KCTD20: variants seen among roughly 807,000 people sequenced by gnomAD.
KCTD20 encodes potassium channel tetramerization domain containing 20.
In KCTD20, 30 loss-of-function variants were observed where a neutral mutation model predicts 39.6. The ratio of observed to expected loss-of-function variants is 0.76; its 90% CI spans 0.57 to 1.03. The LOEUF is 1.03. Among genes scored for constraint, KCTD20 ranks in the 50% least tolerant of loss-of-function variants. The pLI is 0.00. For missense variants in KCTD20, 422 were observed against 522.0 expected (o/e 0.81, Z 1.87); for synonymous variants, 162 against 180.6 (o/e 0.90, Z 0.83).
At position 36,481,735 on chromosome 6, in the gene KCTD20, C is replaced by T. The variant is rs1445166914; in HGVS notation, c.832C>T (p.Pro278Ser). 6.2e-7 allele frequency: 1 copy of T among 1,614,030 alleles called. No homozygotes were observed. Among genetic ancestry groups the T allele is most frequent in the Admixed American group, 1.7e-5 (1 of 59,996 alleles). Residue 278 changes from proline (P) to serine (S), a missense_variant, in exon 6 of 8, where the codon CCA becomes TCA. Transcript: ENST00000373731. Reference sequence around the variant, plus strand: ...GGACTGGGATGAAGACCACCCTCCACCAATGGGGGAGGAATATTCCCAAAG... The same window carrying T: ...GGACTGGGATGAAGACCACCCTCCATCAATGGGGGAGGAATATTCCCAAAG... ...SVDWDEDHPP[P>S]MGEEYSQILY... is the part of the protein sequence containing the mutation.
rs895751709 is a variant in KCTD20, at chr6:36,459,210, G to A, written c.-46-10842G>A. Among the ~76,000 whole-genome samples the A allele has an allele frequency of 7.2e-5, 11 of 152,276 alleles. No individual in the cohort carries two copies. In the South Asian group the frequency reaches 2.1e-3, roughly 29 times the overall value. The stretch of plus-strand genomic sequence containing the variant: ...GCCCATAATCCCAGCTACTCGGGAG[G>A]CTGAGGCAGGAGAATCGCTTGAACT... On this transcript the variant is annotated intron_variant, in intron 1 of 7. Coordinates refer to ENST00000373731, the MANE Select transcript of KCTD20 (RefSeq NM_173562.5).
At chr6:36,465,482 A>G (rs1775722466) in intron 1 of KCTD20, 1 of 151,636 alleles carries the variant, frequency 6.6e-6, no homozygotes, top group African/African-American at 2.4e-5. Context: ...TTCTTCAGAA[A>G]TAATTGATTA....
chr6:36,446,025 T>TTTTTTG (rs1554158240), intron 1 of KCTD20, among the ~76,000 whole-genome samples: 376 of 1,350 alleles, frequency 0.28, 5 homozygotes, highest in Admixed American at 0.39. Context: ...ATGAACTCAG[T>TTTTTTG]TTTTTTTTTT....
At chr6:36,479,067 A>G (rs1040960482) in intron 3 of KCTD20, 54 bp from the exon 4 acceptor site, 1 of 1,165,764 alleles carries the variant, frequency 8.6e-7, no homozygotes, top group Non-Finnish European at 1.3e-6. Context: ...GAGAAATCTC[A>G]TCTGTGAAGA....
chr6:36,467,995 C>A (rs1332394761), intron 1 of KCTD20, among the ~76,000 whole-genome samples: 2 of 152,086 alleles, frequency 1.3e-5, no homozygotes, highest in Non-Finnish European at 2.9e-5. Flanking sequence ...TTAATAAAGT[C>A]TGAAAGGATT....
intron 2 of KCTD20, among the ~76,000 whole-genome samples, chr6:36,473,208 C>T (rs1337570706): frequency 1.3e-5 from 2 of 151,938 alleles, no homozygotes; most frequent in Non-Finnish European, 2.9e-5. Flanking sequence ...CTACAGGCAC[C>T]CGCCACCACA....
chr6:36,459,776 G>T (rs1775546750), intron 1 of KCTD20, among the ~76,000 whole-genome samples: 1 of 152,130 alleles, frequency 6.6e-6, no homozygotes, highest in Non-Finnish European at 1.5e-5. Flanking sequence ...TTTGTGGATT[G>T]TTTATAACAT....
chr6:36,446,822 T>C (rs190521320), intron 1 of KCTD20, among the ~76,000 whole-genome samples: 111 of 152,304 alleles, frequency 7.3e-4, no homozygotes, highest in Middle Eastern at 3.4e-3. Context: ...TTAAACACTG[T>C]AGGATTGATT....
intron 1 of KCTD20, among the ~76,000 whole-genome samples, chr6:36,448,632 T>C (rs949997174): frequency 6.6e-6 from 1 of 152,230 alleles, no homozygotes; most frequent in Non-Finnish European, 1.5e-5. Flanking sequence ...GCCAAGATGG[T>C]GTCAGGAGGG....
intron 1 of KCTD20, among the ~76,000 whole-genome samples, chr6:36,450,681 A>G (rs1302403730): frequency 2.0e-5 from 3 of 152,146 alleles, no homozygotes; most frequent in Non-Finnish European, 2.9e-5. Context: ...GTGTTATGTT[A>G]TATTTAAGAT....
At position 36,479,779 on chromosome 6, in the gene KCTD20, ATTTTTTTTTTTTT is replaced by A. The variant is rs58609674; in HGVS notation, c.658+86_658+98del. On this transcript the variant is annotated intron_variant, in intron 5 of 7. Transcript: ENST00000373731. The stretch of plus-strand genomic sequence containing the variant: ...CTTTCAGTTTTCTTGGAAGTCACCG[ATTTTTTTTTTTTT>A]TTTTTTTTTTTTTTTTTGAGACAGA... The A allele has an allele frequency of 3.6e-3, 966 of 268,470 alleles. 4 individuals carry two copies. The African/African-American group carries it at 0.041, about 11-fold the overall frequency. The allele number at this position is 268,470 out of a possible 1,614,324, so 16.6% of individuals were successfully genotyped here.
chr6:36,455,778 T>G (rs1220182524), intron 1 of KCTD20, among the ~76,000 whole-genome samples: 1 of 152,198 alleles, frequency 6.6e-6, no homozygotes. Flanking sequence ...GCAGGCAGAA[T>G]TTCTTCTTCC....
chr6:36,479,794 T>C (rs1776187327), intron 5 of KCTD20, 83 bp downstream of exon 5: 1 of 1,080,618 alleles, frequency 9.3e-7, no homozygotes, highest in African/African-American at 1.9e-5. Flanking sequence ...TTTTTTTTTT[T>C]TTTTTTTTTT....
At chr6:36,471,536 C>T (rs1253976309) in intron 2 of KCTD20, among the ~76,000 whole-genome samples, 1 of 152,164 alleles carries the variant, frequency 6.6e-6, no homozygotes, top group Non-Finnish European at 1.5e-5. Flanking sequence ...CAACTATTAT[C>T]CTTGTTTTAC....
chr6:36,477,194 T>C (rs1664120325), intron 3 of KCTD20, among the ~76,000 whole-genome samples: 1 of 152,250 alleles, frequency 6.6e-6, no homozygotes. Flanking sequence ...CTTACAGATG[T>C]GGGCCACTAG....
chr6:36,480,713 C>T (rs539964630), intron 5 of KCTD20, among the ~76,000 whole-genome samples: 4 of 152,086 alleles, frequency 2.6e-5, no homozygotes, highest in African/African-American at 7.2e-5. Context: ...CCACCATGCC[C>T]GGCTAATTTT....
rs796501485 is a variant in KCTD20 at position 36,473,408 on chromosome 6, C to T, written c.161-1381C>T. Among the ~76,000 whole-genome samples the T allele has an allele frequency of 5.9e-5, 9 of 152,088 alleles. No homozygotes were observed. The South Asian group carries it at 1.7e-3, about 28-fold the overall frequency. ...CCTTAATTTCAGTTTATAAGTGAAA[C>T]AGCCCTGTGAGGTATATGGAGTGAA... On this transcript the variant is annotated intron_variant, in intron 2 of 7. Transcript: ENST00000373731.
chr6:36,482,046 T>G (rs3756911), intron 6 of KCTD20, among the ~76,000 whole-genome samples: 1 of 152,060 alleles, frequency 6.6e-6, no homozygotes, highest in Admixed American at 6.5e-5. Flanking sequence ...TCCTTTTGAA[T>G]TGGTAATAAG....
At position 36,455,655 on chromosome 6, in the gene KCTD20, G is replaced by C. The variant is rs141141665; in HGVS notation, c.-47+12544G>C. On this transcript the variant is annotated intron_variant, in intron 1 of 7. Coordinates refer to ENST00000373731, the MANE Select transcript of KCTD20 (RefSeq NM_173562.5). ...TACATATTAGGCTATTTATTGCAAA[G>C]AATTGGTTCACACTATGTTGGGGAC... Among the ~76,000 whole-genome samples the C allele has an allele frequency of 4.2e-4, 64 of 152,168 alleles. 2 individuals are homozygous for C. The South Asian group carries it at 0.013, about 30-fold the overall frequency.
Sources: gnomAD v4.1 joint callset for allele counts (sites outside exome capture counted in the v4.1 genomes callset) on GRCh38, gnomAD v4.1.1 for gene constraint, MANE v1.5 for transcripts, NCBI Gene and HGNC (gene_info 2026-07-23, HGNC 2026-07-21) for gene names.